Variants in SPRR2F observed in about 807,000 individuals in gnomAD.
SPRR2F encodes small proline-rich protein 2F.
Under a neutral mutation model 0.8 loss-of-function variants are expected in SPRR2F, and 2 were observed. That is an observed-to-expected ratio of 2.52 (90% CI 1.03 to 7.95). The LOEUF (loss-of-function observed/expected upper bound fraction) is 7.95, where lower values mean the gene tolerates loss of function less well. Ranked by LOEUF, SPRR2F falls within the 30% of genes most tolerant of loss-of-function variation. The pLI is 0.04. For synonymous variants in SPRR2F, 39 were observed against 33.4 expected (o/e 1.17, Z -0.58); for missense variants, 80 against 85.8 (o/e 0.93, Z 0.27).
chr1:153,114,324 A>G (rs1179628657), upstream of SPRR2F, among the ~76,000 whole-genome samples: 2 of 152,134 alleles, frequency 1.3e-5, no homozygotes, highest in Non-Finnish European at 2.9e-5. Context: ...GCTGCCATTA[A>G]GGATGTATAC....
At position 153,112,616 on chromosome 1, in the gene SPRR2F, T is replaced by C. The variant is rs768200221; in HGVS notation, c.118A>G (p.Lys40Glu). The change falls in exon 2 of 2, where the codon AAG becomes GAG. Residue 40 changes from lysine to glutamate, a missense_variant. Lys to Glu is a moderately conservative substitution (Grantham distance 56). Transcript: ENST00000468739. Reference sequence around the variant, plus strand: ...TGAGGTGGGCAGGACTGTGGACACTTTGATGGTGGGCAGGGCTCAGGGCAC... The same window carrying C: ...TGAGGTGGGCAGGACTGTGGACACTCTGATGGTGGGCAGGGCTCAGGGCAC... ...PKCPEPCPPSKCPQSCPPQQC... is the reference protein window; with the variant it reads ...PKCPEPCPPSECPQSCPPQQC... 18 of 1,612,206 alleles carry C rather than the reference T, an allele frequency of 1.1e-5. No homozygotes were observed. Among genetic ancestry groups the C allele is most frequent in the African/African-American group, 1.3e-5 (1 of 74,814 alleles).
chr1:153,118,503 T>A (rs1287658278), upstream of SPRR2F, among the ~76,000 whole-genome samples: 1 of 152,124 alleles, frequency 6.6e-6, no homozygotes, highest in Admixed American at 6.5e-5. Context: ...TGATCCTTAA[T>A]AAGACTGTTG....
chr1:153,113,717 G>A (rs1253244570), upstream of SPRR2F, among the ~76,000 whole-genome samples: 5 of 152,150 alleles, frequency 3.3e-5, no homozygotes, highest in Non-Finnish European at 5.9e-5. Flanking sequence ...GACTCACAGA[G>A]GCCCTGCCTT....
chr1:153,113,892 G>T (rs927290484), upstream of SPRR2F, among the ~76,000 whole-genome samples: 1 of 148,554 alleles, frequency 6.7e-6, no homozygotes, highest in East Asian at 2.0e-4. Flanking sequence ...ATGCCATATT[G>T]TTGTACATGA....
At chr1:153,118,962 G>T in the SPRR2F span, among the ~76,000 whole-genome samples, 2 of 152,126 alleles carry the variant, frequency 1.3e-5, no homozygotes, top group African/African-American at 4.8e-5. Flanking sequence ...AACATAAAAA[G>T]GGGATAGACT....
At position 153,112,491 on chromosome 1, in the gene SPRR2F, T is replaced by C. The variant is rs1571008162; in HGVS notation, c.*24A>G. ...TGAGCCAATTATCCTTATCCTTTCA[T>C]GCTCCTGATGAATCCTGAAGCTGTT... On this transcript the variant is annotated 3_prime_UTR_variant, in exon 2 of 2. Coordinates refer to ENST00000468739, the MANE Select transcript of SPRR2F (RefSeq NM_001014450.3). The C allele has an allele frequency of 6.2e-6, 10 of 1,603,176 alleles. No homozygotes were observed. The East Asian group carries it at 2.2e-4, about 36-fold the overall frequency.
chr1:153,119,238 C>G, the SPRR2F span, among the ~76,000 whole-genome samples: 7 of 152,206 alleles, frequency 4.6e-5, no homozygotes, highest in East Asian at 1.4e-3. Context: ...TCAATGATTA[C>G]TTTAAATGGA....
chr1:153,115,397 AC>A (rs532801479), upstream of SPRR2F, among the ~76,000 whole-genome samples: 10 of 152,160 alleles, frequency 6.6e-5, no homozygotes, highest in Non-Finnish European at 1.3e-4. Context: ...AAATGAGATC[AC>A]TGTGTAAGAT....
chr1:153,118,931 G>A, the SPRR2F span, among the ~76,000 whole-genome samples: 62 of 152,276 alleles, frequency 4.1e-4, 1 homozygote, highest in East Asian at 9.1e-3. Flanking sequence ...CACGTAGAAA[G>A]ATGTAATTGG....
chr1:153,116,642 G>T (rs1392150632), upstream of SPRR2F, among the ~76,000 whole-genome samples: 1 of 151,990 alleles, frequency 6.6e-6, no homozygotes, highest in Non-Finnish European at 1.5e-5. Flanking sequence ...CTTTCTTGAA[G>T]AAAATTCCTA....
rs1212756113 is a variant in SPRR2F at position 153,112,214 on chromosome 1, A to C, written c.*301T>G. ...GCCCAGGGGACAGACAGACACAGAA[A>C]ACATCAACAGAATTCTCTAATGGTT... On this transcript the variant is annotated 3_prime_UTR_variant, in exon 2 of 2. Transcript: ENST00000468739. 1.3e-5 allele frequency: 6 copies of C among 459,252 alleles called. No homozygotes were observed. The highest frequency in any genetic ancestry group is 1.1e-4 in the Admixed American group (3 of 26,102). 28.4% of individuals were successfully genotyped at this position (459,252 alleles called of 1,614,324 possible). A position where few individuals can be genotyped will look rare whatever the true frequency, so the allele number is the denominator to read the frequency against.
chr1:153,115,645 C>T (rs1278708135), upstream of SPRR2F, among the ~76,000 whole-genome samples: 2 of 152,120 alleles, frequency 1.3e-5, no homozygotes, highest in Non-Finnish European at 2.9e-5. Context: ...CAAGTTAGGA[C>T]ATCCAGGCCC....
Position 153,112,746 on chromosome 1 carries a change from T to C in SPRR2F, c.-13A>G, listed in dbSNP as rs1655628629. ...GTTGATAAGACATCCTGCTGGAGTC[T>C]CAGAATCTGAAAGAAATTATATGAC... On this transcript the variant is annotated 5_prime_UTR_variant, in exon 2 of 2. Transcript: ENST00000468739. 1.2e-6 allele frequency: 2 copies of C among 1,611,300 alleles called. No individual in the cohort carries two copies. The highest frequency in any genetic ancestry group is 1.3e-5 in the African/African-American group (1 of 74,940).
chr1:153,115,979 A>G (rs1406729454), upstream of SPRR2F, among the ~76,000 whole-genome samples: 3 of 152,202 alleles, frequency 2.0e-5, no homozygotes, highest in Non-Finnish European at 4.4e-5. Context: ...CTCACATTTT[A>G]CTACTATGCA....
At chr1:153,112,846 A>G (rs1348120402) in intron 1 of SPRR2F, 94 bp from the exon 2 acceptor site, 2 of 1,540,648 alleles carry the variant, frequency 1.3e-6, no homozygotes, top group Non-Finnish European at 1.7e-6. Context: ...TATTTCTCCA[A>G]TCTCCAAGAA....
At position 153,112,645 on chromosome 1, in the gene SPRR2F, G is replaced by A. The variant is rs199815403; in HGVS notation, c.89C>T (p.Pro30Leu). 3.1e-5 allele frequency: 50 copies of A among 1,612,402 alleles called. No individual in the cohort carries two copies. The highest frequency in any genetic ancestry group is 9.9e-5 in the South Asian group (9 of 91,004). ...APKCPEPCPP[P>L]KCPEPCPPSK... ...TGGTGGGCAGGGCTCAGGGCACTTC[G>A]GGGGTGGACATGGCTCTGGGCACTT... The change falls in exon 2 of 2, where the codon CCG becomes CTG. Residue 30 changes from proline to leucine, a missense_variant. Coordinates refer to ENST00000468739, the MANE Select transcript of SPRR2F (RefSeq NM_001014450.3).
the SPRR2F span, among the ~76,000 whole-genome samples, chr1:153,119,014 G>A: frequency 1.3e-5 from 2 of 152,078 alleles, no homozygotes; most frequent in Non-Finnish European, 2.9e-5. Context: ...AGTTAAGTTG[G>A]TGTTAATTCA....
At position 153,112,676 on chromosome 1, in the gene SPRR2F, C is replaced by T. The variant is rs151137674; in HGVS notation, c.58G>A (p.Ala20Thr). 0.015 allele frequency: 24,507 copies of T among 1,598,322 alleles called. 250 individuals are homozygous for T. Among genetic ancestry groups the T allele is most frequent in the Non-Finnish European group, 0.016 (18,969 of 1,167,406 alleles). The change falls in exon 2 of 2, where the codon GCG becomes ACG. Residue 20 changes from alanine (A) to threonine (T), a missense_variant. Transcript: ENST00000468739. ...QPCQPPPVCP[A>T]PKCPEPCPPP... ...GGACATGGCTCTGGGCACTTTGGCG[C>T]GGGGCACACAGGAGGTGGCTGGCAG... is the stretch of plus-strand genomic sequence containing the variant.
intron 1 of SPRR2F, among the ~76,000 whole-genome samples, chr1:153,113,102 A>C (rs1326663567): frequency 6.6e-6 from 1 of 152,188 alleles, no homozygotes. Flanking sequence ...CTGTTGTAAA[A>C]TCCCAGTGGG....
Sources: gnomAD v4.1 joint callset for allele counts (sites outside exome capture counted in the v4.1 genomes callset) on GRCh38, gnomAD v4.1.1 for gene constraint, MANE v1.5 for transcripts, NCBI Gene and HGNC (gene_info 2026-07-23, HGNC 2026-07-21) for gene names.